UBXN4: variants seen among roughly 807,000 people sequenced by gnomAD.
UBXN4 encodes the protein UBX domain-containing protein 4.
In UBXN4, 35 loss-of-function variants were observed where a neutral mutation model predicts 66.2. The observed-to-expected ratio is 0.53, with a 90% confidence interval of 0.40 to 0.70. The LOEUF (loss-of-function observed/expected upper bound fraction) is 0.70. UBXN4 is among the 30% of genes least tolerant of loss of function. UBXN4 has a pLI of 0.00. For missense variants in UBXN4, 533 were observed against 599.8 expected (o/e 0.89, Z 1.16); for synonymous variants, 203 against 204.5 (o/e 0.99, Z 0.06).
chr2:135,769,897 G>C, intron 7 of UBXN4, 74 bp downstream of exon 7: 1 of 1,348,234 alleles, frequency 7.4e-7, no homozygotes, highest in Non-Finnish European at 1.0e-6. Context: ...TATTCAGTGT[G>C]GCAGGCCTAG....
chr2:135,763,701 C>T (rs938183712), intron 6 of UBXN4, among the ~76,000 whole-genome samples: 2 of 152,062 alleles, frequency 1.3e-5, no homozygotes, highest in Non-Finnish European at 2.9e-5. Flanking sequence ...TGGTGCACAC[C>T]TGTAGTCCCA....
At chr2:135,758,694 A>G (rs573906212) in intron 5 of UBXN4, among the ~76,000 whole-genome samples, 29 of 152,262 alleles carry the variant, frequency 1.9e-4, no homozygotes, top group Admixed American at 1.0e-3. Flanking sequence ...AAATATTTCA[A>G]TATGTATCTC....
At chr2:135,777,587 T>C (rs2077423795) in intron 10 of UBXN4, among the ~76,000 whole-genome samples, 1 of 152,156 alleles carries the variant, frequency 6.6e-6, no homozygotes, top group South Asian at 2.1e-4. Flanking sequence ...GCATGTGTCC[T>C]ATTAAAACTC....
At chr2:135,777,109 C>G (rs1042498949) in intron 10 of UBXN4, among the ~76,000 whole-genome samples, 1 of 152,208 alleles carries the variant, frequency 6.6e-6, no homozygotes, top group Non-Finnish European at 1.5e-5. Context: ...CTTTATTTGA[C>G]AATAGTATCT....
intron 11 of UBXN4, among the ~76,000 whole-genome samples, chr2:135,779,934 A>G (rs555284866): frequency 3.8e-4 from 56 of 146,996 alleles, no homozygotes; most frequent in African/African-American, 1.4e-3. Flanking sequence ...ATTGTATACT[A>G]TACAATTATA....
chr2:135,746,993 TTAG>T (rs201482431), intron 1 of UBXN4, among the ~76,000 whole-genome samples: 3,543 of 152,102 alleles, frequency 0.023, 64 homozygotes, highest in Middle Eastern at 0.055. Context: ...ATCAGGGTAG[TTAG>T]TAGTGGAAGT....
chr2:135,772,278 G>A (rs1451235209), intron 8 of UBXN4, 142 bp from the exon 9 acceptor site: 1 of 898,642 alleles, frequency 1.1e-6, no homozygotes, highest in Non-Finnish European at 1.6e-6. Flanking sequence ...AGCTATGATT[G>A]TGCCACTGCA....
At chr2:135,777,023 C>T (rs1397649530) in intron 10 of UBXN4, among the ~76,000 whole-genome samples, 2 of 152,208 alleles carry the variant, frequency 1.3e-5, no homozygotes, top group African/African-American at 4.8e-5. Context: ...CTCCTCTCTC[C>T]ATTTCCTACA....
chr2:135,781,719 G>T (rs1178710643), intron 12 of UBXN4, among the ~76,000 whole-genome samples: 1 of 152,212 alleles, frequency 6.6e-6, no homozygotes, highest in Non-Finnish European at 1.5e-5. Flanking sequence ...CTGAGCAATG[G>T]GTGGGAGCAT....
intron 6 of UBXN4, among the ~76,000 whole-genome samples, chr2:135,767,007 C>T (rs984856934): frequency 4.6e-5 from 7 of 152,174 alleles, no homozygotes; most frequent in South Asian, 2.1e-4. Context: ...TGCCCACCCC[C>T]GCCCCCTTTT....
chr2:135,770,526 C>A lies in UBXN4; in HGVS notation c.658-45C>A, dbSNP rs767963825. 1.3e-5 allele frequency: 16 copies of A among 1,252,292 alleles called. No homozygotes were observed. The Admixed American group carries it at 2.8e-4, about 22-fold the overall frequency. The allele number at this position is 1,252,292 out of a possible 1,614,324, so 77.6% of individuals were successfully genotyped here. A position where few individuals can be genotyped will look rare whatever the true frequency, so the allele number is the denominator to read the frequency against. On this transcript the variant is annotated intron_variant, in intron 7 of 12. Transcript: ENST00000272638. ...GTTGCATTCAAAATAATATCTGGGG[C>A]AGATTATCAAGTTTTTGGATCATAA...
chr2:135,759,238 A>G (rs998587919), intron 5 of UBXN4, among the ~76,000 whole-genome samples: 2 of 152,214 alleles, frequency 1.3e-5, no homozygotes, highest in Non-Finnish European at 2.9e-5. Flanking sequence ...AGGCATTTGT[A>G]TGATTTCATC....
intron 2 of UBXN4, among the ~76,000 whole-genome samples, chr2:135,751,808 A>T (rs1444466067): frequency 1.3e-5 from 2 of 151,884 alleles, no homozygotes; most frequent in African/African-American, 2.4e-5. Context: ...TTATGATAAT[A>T]ATGCTTTATA....
chr2:135,773,074 A>G (rs1387821100), intron 9 of UBXN4, among the ~76,000 whole-genome samples: 3 of 151,414 alleles, frequency 2.0e-5, no homozygotes. Flanking sequence ...CCCAATAAAT[A>G]CCTGTTTTCC....
Position 135,770,640 on chromosome 2 carries a change from G to C in UBXN4, c.727G>C (p.Glu243Gln). The C allele has an allele frequency of 6.4e-7, 1 of 1,571,196 alleles. No homozygotes were observed. Among genetic ancestry groups the C allele is most frequent in the Non-Finnish European group, 8.6e-7 (1 of 1,164,608 alleles). ...KEMLDYKRKQ[E>Q]EELTKRMLEE... ...AATGTTGGATTATAAAAGAAAACAA[G>C]AAGAAGAATTAACAAAAAGAATGCT... The change falls in exon 8 of 13, where the codon GAA becomes CAA. Residue 243 changes from glutamate to glutamine, a missense_variant. By Grantham distance (29) the Glu-to-Gln change is conservative. This residue lies in a region of UBXN4 where 529 missense variants were observed against 580.1 expected (regional missense o/e 0.91). Coordinates refer to ENST00000272638, the MANE Select transcript of UBXN4 (RefSeq NM_014607.4).
At chr2:135,772,586 G>T (rs368206843) in intron 9 of UBXN4, 39 bp downstream of exon 9, 2 of 1,607,846 alleles carry the variant, frequency 1.2e-6, no homozygotes, top group Non-Finnish European at 1.7e-6. Flanking sequence ...GTGCACATAG[G>T]GGCTGAGGAG....
chr2:135,768,496 C>T (rs566748300), intron 6 of UBXN4, among the ~76,000 whole-genome samples: 9 of 151,540 alleles, frequency 5.9e-5, no homozygotes, highest in African/African-American at 2.2e-4. Flanking sequence ...CGTGCCTGGC[C>T]GATTTTATTA....
chr2:135,764,163 A>T (rs528390365), intron 6 of UBXN4, among the ~76,000 whole-genome samples: 2 of 152,186 alleles, frequency 1.3e-5, no homozygotes, highest in African/African-American at 4.8e-5. Context: ...ATAAAGCAGG[A>T]TGGATTAGCA....
chr2:135,760,688 T>C (rs2077310047), intron 5 of UBXN4, among the ~76,000 whole-genome samples: 1 of 152,228 alleles, frequency 6.6e-6, no homozygotes, highest in Non-Finnish European at 1.5e-5. Flanking sequence ...TTTTATTTGC[T>C]AAAGAAAGGT....
Sources: gnomAD v4.1 joint callset for allele counts (sites outside exome capture counted in the v4.1 genomes callset) on GRCh38, gnomAD v4.1.1 for gene constraint, gnomAD v4.1.1 regional missense constraint, MANE v1.5 for transcripts, NCBI Gene and HGNC (gene_info 2026-07-23, HGNC 2026-07-21) for gene names.